The following AGK variants were observed in gnomAD, a reference collection of about 807,000 sequenced individuals.
The protein encoded by AGK is acylglycerol kinase, mitochondrial.
A neutral mutation model predicts 66.4 loss-of-function variants in AGK; 52 were observed. That is an observed-to-expected ratio of 0.78 (90% CI 0.63 to 0.99). The LOEUF (loss-of-function observed/expected upper bound fraction) is 0.99, where lower values mean the gene tolerates loss of function less well. Ranked by LOEUF, AGK falls within the 50% of genes least tolerant of loss-of-function variation. AGK has a pLI of 0.00. For synonymous variants in AGK, 182 were observed against 181.1 expected, an observed-to-expected ratio of 1.00 and a Z score of -0.04; for missense variants, 451 against 506.6, an observed-to-expected ratio of 0.89 and a Z score of 1.05.
chr7:141,569,431 G>A (rs1449692250), intron 2 of AGK, among the ~76,000 whole-genome samples: 2 of 152,160 alleles, frequency 1.3e-5, no homozygotes, highest in Non-Finnish European at 2.9e-5. Context: ...CTACTCAGGA[G>A]GTTGAGGCAG....
chr7:141,627,593 C>T (rs184007445), intron 9 of AGK, among the ~76,000 whole-genome samples: 1 of 152,278 alleles, frequency 6.6e-6, no homozygotes, highest in Non-Finnish European at 1.5e-5. Flanking sequence ...TGTCTGGACT[C>T]TTCACCATGA....
intron 2 of AGK, among the ~76,000 whole-genome samples, chr7:141,559,519 G>A (rs1012690046): frequency 6.6e-6 from 1 of 151,998 alleles, no homozygotes; most frequent in Non-Finnish European, 1.5e-5. Flanking sequence ...CTATTGCTTT[G>A]TAATATATTT....
intron 2 of AGK, among the ~76,000 whole-genome samples, chr7:141,558,347 GTT>G (rs71172603): frequency 2.8e-5 from 4 of 140,756 alleles, no homozygotes; most frequent in Admixed American, 7.2e-5. Flanking sequence ...AGTAGAGATG[GTT>G]TTTTTTTTTT....
chr7:141,558,560 A>C (rs1443453697), intron 2 of AGK, among the ~76,000 whole-genome samples: 1 of 152,198 alleles, frequency 6.6e-6, no homozygotes, highest in Non-Finnish European at 1.5e-5. Context: ...TTACCTCTTG[A>C]CTATTGTGAA....
In AGK at chr7:141,637,012, C is replaced by G. The variant is rs1315739275; in HGVS notation, c.721C>G (p.Leu241Val). ...CAAAGCAGCCCACTTTTTCAGCACT[C>G]TTAAGGTAAATGTGATTTACAGTGT... is the stretch of plus-strand genomic sequence containing the variant. ...KIKAAHFFST[L>V]KEWPQTHQAS... The change falls in exon 11 of 16, where the codon CTT (leucine) becomes GTT (valine). Residue 241 changes from leucine (L) to valine (V), a missense_variant. By Grantham distance (32) the Leu-to-Val change is conservative. Coordinates refer to ENST00000649286, the MANE Select transcript of AGK (RefSeq NM_018238.4). The G allele has an allele frequency of 6.2e-7, 1 of 1,612,168 alleles. No homozygotes were observed. The highest frequency in any genetic ancestry group is 2.2e-5 in the East Asian group (1 of 44,814).
chr7:141,640,766 T>C (rs2117011958), intron 11 of AGK, among the ~76,000 whole-genome samples: 1 of 151,880 alleles, frequency 6.6e-6, no homozygotes. Flanking sequence ...AAAATTAGAG[T>C]GTGAGGGTGA....
intron 2 of AGK, among the ~76,000 whole-genome samples, chr7:141,580,931 T>A (rs1795868978): frequency 6.6e-6 from 1 of 151,848 alleles, no homozygotes; most frequent in African/African-American, 2.4e-5. Context: ...GGATTTAGGA[T>A]CTATGGAGTC....
intron 2 of AGK, among the ~76,000 whole-genome samples, chr7:141,588,881 T>C (rs2116913258): frequency 6.6e-6 from 1 of 152,300 alleles, no homozygotes; most frequent in Admixed American, 6.5e-5. Flanking sequence ...TCTTTTAGCA[T>C]GCTAATGTAT....
chr7:141,554,818 G>A (rs967138011), intron 1 of AGK, among the ~76,000 whole-genome samples: 4 of 152,258 alleles, frequency 2.6e-5, no homozygotes, highest in Middle Eastern at 3.4e-3. Context: ...TATGTCATCA[G>A]TGAATATGAT....
chr7:141,567,816 A>C (rs1795503492), intron 2 of AGK, among the ~76,000 whole-genome samples: 1 of 152,222 alleles, frequency 6.6e-6, no homozygotes, highest in Non-Finnish European at 1.5e-5. Flanking sequence ...TAGCATAAGA[A>C]AGGAGGCAGT....
At chr7:141,571,048 C>A (rs568853824) in intron 2 of AGK, among the ~76,000 whole-genome samples, 3 of 152,324 alleles carry the variant, frequency 2.0e-5, no homozygotes, top group East Asian at 1.9e-4. Context: ...AGAAGAAAAA[C>A]CAGTGATACT....
chr7:141,603,507 T>C (rs1385956540), intron 5 of AGK, among the ~76,000 whole-genome samples: 1 of 152,228 alleles, frequency 6.6e-6, no homozygotes, highest in Non-Finnish European at 1.5e-5. Flanking sequence ...TTTATTTTTA[T>C]CTTTTTTCTC....
Position 141,560,709 on chromosome 7 carries a change from A to G in AGK, c.101+5142A>G, listed in dbSNP as rs144032690. On this transcript the variant is annotated intron_variant, in intron 2 of 15. Transcript: ENST00000649286. ...AGCTCTCACTTATAAATGAGAATATATGATATTTGGCTTTCCATTCCTGAG... is the reference window on the plus strand; with the variant it reads ...AGCTCTCACTTATAAATGAGAATATGTGATATTTGGCTTTCCATTCCTGAG... Among the ~76,000 whole-genome samples the G allele has an allele frequency of 2.1e-4, 32 of 151,638 alleles. No individual in the cohort carries two copies. The East Asian group carries it at 4.9e-3, about 23-fold the overall frequency.
intron 13 of AGK, among the ~76,000 whole-genome samples, chr7:141,648,976 T>C (rs1045003318): frequency 6.6e-6 from 1 of 151,300 alleles, no homozygotes; most frequent in African/African-American, 2.4e-5. Flanking sequence ...TAATTACTAG[T>C]GAGTGACAGA....
At chr7:141,644,845 C>T (rs1161181047) in intron 13 of AGK, among the ~76,000 whole-genome samples, 1 of 152,046 alleles carries the variant, frequency 6.6e-6, no homozygotes, top group African/African-American at 2.4e-5. Flanking sequence ...TTGAAATCTC[C>T]ATTTTCCCCC....
At chr7:141,556,497 G>A (rs1795212999) in intron 2 of AGK, among the ~76,000 whole-genome samples, 1 of 151,452 alleles carries the variant, frequency 6.6e-6, no homozygotes, top group East Asian at 1.9e-4. Flanking sequence ...TCCCAGATCG[G>A]GCCACTGCAC....
intron 4 of AGK, 36 bp from the exon 5 acceptor site, chr7:141,601,169 G>A: frequency 6.7e-7 from 1 of 1,485,874 alleles, no homozygotes; most frequent in Non-Finnish European, 9.4e-7. Context: ...TTGATAACCT[G>A]TGTTAAAATG....
chr7:141,585,072 G>A (rs1260424908), intron 2 of AGK, among the ~76,000 whole-genome samples: 2 of 151,594 alleles, frequency 1.3e-5, no homozygotes, highest in African/African-American at 4.8e-5. Context: ...AGACTGGTAG[G>A]CCCTAAAATC....
intron 5 of AGK, among the ~76,000 whole-genome samples, chr7:141,603,077 GT>G (rs1295879585): frequency 6.6e-6 from 1 of 151,974 alleles, no homozygotes; most frequent in East Asian, 1.9e-4. Context: ...CATAAATGTT[GT>G]ATCTATGCCT....
Sources: gnomAD v4.1 joint callset for allele counts (sites outside exome capture counted in the v4.1 genomes callset) on GRCh38, gnomAD v4.1.1 for gene constraint, MANE v1.5 for transcripts, NCBI Gene and HGNC (gene_info 2026-07-23, HGNC 2026-07-21) for gene names.